The following LRRD1 variants were observed in gnomAD, a reference collection of about 807,000 sequenced individuals.
LRRD1 encodes leucine-rich repeat and death domain-containing protein 1.
Under a neutral mutation model 69.5 loss-of-function variants are expected in LRRD1, and 49 were observed. The ratio of observed to expected loss-of-function variants is 0.70; its 90% CI spans 0.56 to 0.89. The LOEUF is 0.89. LRRD1 is among the 40% of genes least tolerant of loss of function. LRRD1 has a pLI of 0.00. For missense variants in LRRD1, 853 were observed against 956.0 expected, an observed-to-expected ratio of 0.89 and a Z score of 1.42; for synonymous variants, 303 against 338.9, an observed-to-expected ratio of 0.89 and a Z score of 1.16.
chr7:92,158,443 ATATG>A (rs1365325577), intron 3 of LRRD1, among the ~76,000 whole-genome samples: 2 of 152,170 alleles, frequency 1.3e-5, no homozygotes, highest in African/African-American at 4.8e-5. Flanking sequence ...ATGTGCATAT[ATATG>A]TGTGTATGTG....
chr7:92,169,629 G>A (rs922325989), intron 1 of LRRD1, among the ~76,000 whole-genome samples: 3 of 151,992 alleles, frequency 2.0e-5, no homozygotes, highest in East Asian at 3.9e-4. Context: ...CAGCTTGGGC[G>A]ACAGAGAGAG....
intron 2 of LRRD1, among the ~76,000 whole-genome samples, chr7:92,161,785 A>G (rs1258348865): frequency 6.6e-6 from 1 of 152,196 alleles, no homozygotes; most frequent in Non-Finnish European, 1.5e-5. Context: ...AAGAAAAATG[A>G]GCTGACTTTG....
chr7:92,158,202 A>G (rs962708375), intron 3 of LRRD1, among the ~76,000 whole-genome samples: 6 of 152,136 alleles, frequency 3.9e-5, no homozygotes, highest in Admixed American at 3.3e-4. Context: ...ATTTAAAGAC[A>G]CTGCTGGCTG....
chr7:92,157,331 A>G (rs1349709748), intron 3 of LRRD1, among the ~76,000 whole-genome samples: 2 of 152,020 alleles, frequency 1.3e-5, no homozygotes, highest in African/African-American at 4.8e-5. Context: ...TGGTCACAAT[A>G]TGATATCATT....
chr7:92,158,459 GTA>G (rs573610403), intron 3 of LRRD1, among the ~76,000 whole-genome samples: 15 of 150,870 alleles, frequency 9.9e-5, no homozygotes, highest in Admixed American at 2.6e-4. Context: ...GTGTATGTGT[GTA>G]TATATATATA....
intron 3 of LRRD1, among the ~76,000 whole-genome samples, chr7:92,150,948 A>G (rs920001865): frequency 3.3e-5 from 5 of 152,312 alleles, no homozygotes; most frequent in African/African-American, 4.8e-5. Context: ...AAAGAACTTT[A>G]TAGAGTGGAT....
chr7:92,168,670 A>T (rs1788980577), intron 1 of LRRD1, among the ~76,000 whole-genome samples: 1 of 152,182 alleles, frequency 6.6e-6, no homozygotes, highest in Admixed American at 6.5e-5. Flanking sequence ...GAAAAAAAAA[A>T]AAAAAAGAAA....
chr7:92,159,144 T>C lies in LRRD1; in HGVS notation c.1977A>G (p.Ser659=), dbSNP rs1171930674. 6.5e-7 allele frequency: 1 copy of C among 1,545,142 alleles called. No homozygotes were observed. Among genetic ancestry groups the C allele is most frequent in the East Asian group, 2.5e-5 (1 of 40,566 alleles). The change falls in exon 3 of 6, where the codon TCA becomes TCG. Residue 659 remains serine (S), a synonymous_variant. Coordinates refer to ENST00000458448, the MANE Select transcript of LRRD1 (RefSeq NM_001161528.2). Reference sequence around the variant, plus strand: ...TTGGAATCTCTCTGATTGCATTATTTGAGATATCAAGTTCTTTAAGTTGAG... The same window carrying C: ...TTGGAATCTCTCTGATTGCATTATTCGAGATATCAAGTTCTTTAAGTTGAG... ...NMTQLKELDI[S]NNAIREIPRN...
rs565204405 is a variant in LRRD1, at chr7:92,144,870, T to C, written c.*18A>G. On this transcript the variant is annotated 3_prime_UTR_variant, in exon 6 of 6. Coordinates refer to ENST00000458448, the MANE Select transcript of LRRD1 (RefSeq NM_001161528.2). ...TAAGTGCATCAAAAGTTTTCAGTTT[T>C]TATTATTGATCCACTGGTTAGAATT... 1.4e-6 allele frequency: 2 copies of C among 1,429,786 alleles called. No homozygotes were observed. Among genetic ancestry groups the C allele is most frequent in the South Asian group, 3.1e-5 (2 of 64,416 alleles). 88.6% of individuals were successfully genotyped at this position (1,429,786 alleles called of 1,614,324 possible).
At position 92,163,787 on chromosome 7, in the gene LRRD1, A is replaced by G. The variant is rs1270608125; in HGVS notation, c.1416T>C (p.Ser472=). Residue 472 remains serine (S), a synonymous_variant, in exon 2 of 6, where the codon AGT becomes AGC. Transcript: ENST00000458448. ...NCQKIIKIEL[S]YNKIMYFPLG... is the part of the protein sequence containing the mutation. Reference sequence around the variant, plus strand: ...ATGGAAAATACATTATTTTGTTATAACTCAATTCAATTTTAATTATTTTTT... The same window carrying G: ...ATGGAAAATACATTATTTTGTTATAGCTCAATTCAATTTTAATTATTTTTT... The G allele has an allele frequency of 1.1e-5, 16 of 1,504,982 alleles. No individual in the cohort carries two copies. The highest frequency in any genetic ancestry group is 1.3e-5 in the Non-Finnish European group (15 of 1,130,812). The allele number at this position is 1,504,982 out of a possible 1,614,324, so 93.2% of individuals were successfully genotyped here.
chr7:92,142,786 G>A (rs966753328), downstream of LRRD1: 3 of 445,140 alleles, frequency 6.7e-6, no homozygotes, highest in South Asian at 1.6e-5. Context: ...CCTTTCTCCC[G>A]GTGGGTTCCT....
chr7:92,147,177 C>T (rs1820348925), intron 4 of LRRD1, among the ~76,000 whole-genome samples: 1 of 151,702 alleles, frequency 6.6e-6, no homozygotes, highest in South Asian at 2.1e-4. Context: ...AGTGATTCTC[C>T]TGCCTCAGCC....
intron 1 of LRRD1, among the ~76,000 whole-genome samples, chr7:92,175,651 G>GA (rs1261363334): frequency 1.3e-5 from 2 of 151,794 alleles, no homozygotes; most frequent in East Asian, 3.9e-4. Context: ...CTCCATCCCA[G>GA]AAAAAAACAA....
At chr7:92,146,266 A>G in intron 4 of LRRD1, 66 bp from the exon 5 acceptor site, 1 of 770,926 alleles carries the variant, frequency 1.3e-6, no homozygotes, top group Non-Finnish European at 2.0e-6. Flanking sequence ...AGTTCATATT[A>G]TATCTAGTTT....
At chr7:92,176,467 C>T (rs535589933) in intron 1 of LRRD1, among the ~76,000 whole-genome samples, 11 of 152,146 alleles carry the variant, frequency 7.2e-5, no homozygotes, top group Admixed American at 3.3e-4. Context: ...CATTTTTTAA[C>T]CCCTTTAGTA....
downstream of LRRD1, chr7:92,142,881 G>A (rs980038516): frequency 3.4e-5 from 12 of 354,312 alleles, no homozygotes; most frequent in Admixed American, 7.7e-5. Flanking sequence ...CAAAGAGAGA[G>A]CAGCAGCAAG....
chr7:92,173,411 C>A (rs930509353), intron 1 of LRRD1, among the ~76,000 whole-genome samples: 1 of 152,056 alleles, frequency 6.6e-6, no homozygotes, highest in Non-Finnish European at 1.5e-5. Context: ...AAGAGACAGC[C>A]CACACAGAAT....
intron 1 of LRRD1, among the ~76,000 whole-genome samples, chr7:92,165,979 T>C (rs945821691): frequency 7.2e-5 from 11 of 152,188 alleles, no homozygotes; most frequent in African/African-American, 2.7e-4. Flanking sequence ...ACTAGTGTCT[T>C]GCTCTAACAA....
rs1820285297 is a variant in LRRD1 at position 92,145,079 on chromosome 7, A to G, written c.2397-5T>C. On this transcript the variant is annotated splice_region_variant and splice_polypyrimidine_tract_variant and intron_variant, in intron 5 of 5. Transcript: ENST00000458448. The stretch of plus-strand genomic sequence containing the variant: ...CTCTCACTTAATGAAACAGTGCTGA[A>G]AAACATTATTAATAATATTAATAGT... 1.5e-6 allele frequency: 2 copies of G among 1,365,172 alleles called. No individual in the cohort carries two copies. Among genetic ancestry groups the G allele is most frequent in the Middle Eastern group, 2.0e-4 (1 of 4,988 alleles). 84.6% of individuals were successfully genotyped at this position (1,365,172 alleles called of 1,614,324 possible).
Sources: allele counts gnomAD v4.1 joint callset (sites outside exome capture counted in the v4.1 genomes callset), GRCh38; gene constraint gnomAD v4.1.1; transcripts MANE v1.5; gene names NCBI Gene and HGNC (gene_info 2026-07-23, HGNC 2026-07-21).